Variants in ABR observed in about 807,000 individuals in gnomAD.
ABR encodes the protein ABR activator of RhoGEF and GTPase.
ABR carries 35 observed loss-of-function variants against 107.2 expected under a neutral mutation model. The ratio of observed to expected loss-of-function variants is 0.33; its 90% CI spans 0.25 to 0.43. The LOEUF is 0.43. ABR is among the 20% of genes least tolerant of loss of function. ABR has a pLI of 1.00. For synonymous variants in ABR, 498 were observed against 462.0 expected (o/e 1.08, Z -1.00); for missense variants, 815 against 1,115.2 (o/e 0.73, Z 3.83).
intron 4 of ABR, among the ~76,000 whole-genome samples, chr17:1,090,199 G>A (rs759604410): frequency 6.6e-6 from 1 of 152,216 alleles, no homozygotes; most frequent in Non-Finnish European, 1.5e-5. Context: ...CCTGCCCTGG[G>A]AACTGAGAAC....
intron 1 of ABR, among the ~76,000 whole-genome samples, chr17:1,199,080 T>G (rs989059501): frequency 2.1e-5 from 3 of 144,322 alleles, no homozygotes; most frequent in African/African-American, 7.7e-5. Flanking sequence ...GGTGCCTGGT[T>G]CCAAGGACGA....
intron 1 of ABR, among the ~76,000 whole-genome samples, chr17:1,139,389 C>G (rs879737703): frequency 1.3e-4 from 20 of 152,128 alleles, no homozygotes; most frequent in South Asian, 6.2e-4. Context: ...GTAGCTGGGA[C>G]TACAGGTGCC....
At chr17:1,211,532 C>T (rs954059647) in intron 1 of ABR, among the ~76,000 whole-genome samples, 1 of 152,038 alleles carries the variant, frequency 6.6e-6, no homozygotes, top group Non-Finnish European at 1.5e-5. Flanking sequence ...GATTATTCAC[C>T]GTGATTTTTT....
chr17:1,213,825 C>A (rs950734111), intron 1 of ABR, among the ~76,000 whole-genome samples: 1 of 152,162 alleles, frequency 6.6e-6, no homozygotes, highest in Non-Finnish European at 1.5e-5. Flanking sequence ...GGTTCCAAAG[C>A]GACAAAACTG....
chr17:1,023,044 C>G (rs1471707591), intron 16 of ABR, among the ~76,000 whole-genome samples: 1 of 149,142 alleles, frequency 6.7e-6, no homozygotes, highest in South Asian at 2.1e-4. Context: ...AGAGCCTCTG[C>G]CTGCCCCACG....
At chr17:1,044,883 A>T (rs549898017) in intron 16 of ABR, among the ~76,000 whole-genome samples, 1 of 152,206 alleles carries the variant, frequency 6.6e-6, no homozygotes, top group African/African-American at 2.4e-5. Context: ...AATAACACAG[A>T]GCCTTAGCAT....
chr17:1,152,769 T>C (rs2040851260), intron 1 of ABR, among the ~76,000 whole-genome samples: 1 of 152,016 alleles, frequency 6.6e-6, no homozygotes, highest in Admixed American at 6.6e-5. Flanking sequence ...TTTAGCAAGA[T>C]GATGAGCTTT....
chr17:1,088,719 G>A (rs2036800060), intron 4 of ABR, among the ~76,000 whole-genome samples: 1 of 151,602 alleles, frequency 6.6e-6, no homozygotes. Context: ...CCGAGTAGTA[G>A]CTGGGATCAC....
chr17:1,166,092 G>T (rs1290789149), intron 1 of ABR, among the ~76,000 whole-genome samples: 4 of 139,616 alleles, frequency 2.9e-5, no homozygotes, highest in Admixed American at 7.3e-5. Flanking sequence ...ACCCTCCCCA[G>T]CGTGGTCCCA....
At chr17:1,189,441 C>G (rs928974885), upstream of ABR, among the ~76,000 whole-genome samples, 2 of 151,556 alleles carry the variant, frequency 1.3e-5, no homozygotes, top group African/African-American at 2.4e-5. Flanking sequence ...CCTCCGCCTC[C>G]GAGTTCAAGT....
At chr17:1,201,471 C>T (rs966966355) in intron 1 of ABR, among the ~76,000 whole-genome samples, 3 of 152,098 alleles carry the variant, frequency 2.0e-5, no homozygotes, top group Middle Eastern at 3.4e-3. Context: ...TTTATGTGAG[C>T]GTGTATAACA....
chr17:1,225,992 G>A (rs1349747890), intron 1 of ABR, among the ~76,000 whole-genome samples: 3 of 152,096 alleles, frequency 2.0e-5, no homozygotes, highest in African/African-American at 7.2e-5. Context: ...ACACATACGC[G>A]TCCGCATAGA....
Position 1,144,582 on chromosome 17 carries a change from A to G in ABR, c.62-19215T>C, listed in dbSNP as rs7212586. Among the ~76,000 whole-genome samples the G allele has an allele frequency of 7.1e-3, 975 of 136,454 alleles. 8 individuals carry two copies. The highest frequency in any genetic ancestry group is 0.026 in the African/African-American group (933 of 36,432). The allele number at this position is 136,454 out of a possible 152,430, so 89.5% of individuals were successfully genotyped here. Reference sequence around the variant, plus strand: ...TCACAAACAATAACGCGTTCAGTCAATCAGGCAAAAAAAAAAAAAGGGGCA... The same window carrying G: ...TCACAAACAATAACGCGTTCAGTCAGTCAGGCAAAAAAAAAAAAAGGGGCA... On this transcript the variant is annotated intron_variant, in intron 1 of 22. Coordinates refer to ENST00000302538, the MANE Select transcript of ABR (RefSeq NM_021962.5).
chr17:1,190,390 T>C (rs1312095540), upstream of ABR, among the ~76,000 whole-genome samples: 2 of 152,146 alleles, frequency 1.3e-5, no homozygotes, highest in Non-Finnish European at 2.9e-5. Context: ...TCCCAGCACT[T>C]TGGGAGGCCG....
chr17:1,122,095 G>A (rs2039382967), intron 2 of ABR, among the ~76,000 whole-genome samples: 2 of 152,094 alleles, frequency 1.3e-5, no homozygotes, highest in South Asian at 4.1e-4. Flanking sequence ...TAGAGACAGG[G>A]TTTCACCATG....
chr17:1,015,864 G>A (rs1425521234), intron 16 of ABR, among the ~76,000 whole-genome samples: 2 of 152,114 alleles, frequency 1.3e-5, no homozygotes, highest in African/African-American at 2.4e-5. Context: ...GTATCTATAG[G>A]GTATTATTTT....
chr17:1,177,596 A>G (rs967618161), intron 1 of ABR, among the ~76,000 whole-genome samples: 3 of 152,140 alleles, frequency 2.0e-5, no homozygotes, highest in African/African-American at 7.2e-5. Context: ...AGGGTGGGGT[A>G]TGGAAGACTT....
At chr17:1,114,163 C>A (rs2038870627) in intron 2 of ABR, among the ~76,000 whole-genome samples, 2 of 104,970 alleles carry the variant, frequency 1.9e-5, no homozygotes. Context: ...GAGAAAGACC[C>A]TGTCTCAAAA....
rs774603602 is a variant in ABR at position 1,078,736 on chromosome 17, G to A, written c.700+594C>T. On this transcript the variant is annotated intron_variant, in intron 6 of 22. Coordinates refer to ENST00000302538, the MANE Select transcript of ABR (RefSeq NM_021962.5). The surrounding 1 kb of genome is among the most constrained non-coding windows in gnomAD (Gnocchi z 7.5). ...TTCCCTGCGGCCCTCTAACCTCCCC[G>A]GCCACATCTAAGCCCACTCCAGCCG... 36 of 1,449,804 alleles carry A rather than the reference G, an allele frequency of 2.5e-5. No homozygotes were observed. Among genetic ancestry groups the A allele is most frequent in the Middle Eastern group, 1.7e-4 (1 of 5,784 alleles). The allele number at this position is 1,449,804 out of a possible 1,614,324, so 89.8% of individuals were successfully genotyped here. A position where few individuals can be genotyped will look rare whatever the true frequency, so the allele number is the denominator to read the frequency against.
Sources: gnomAD v4.1 joint callset for allele counts (sites outside exome capture counted in the v4.1 genomes callset) on GRCh38, gnomAD v4.1.1 for gene constraint, Gnocchi (gnomAD v3.1) non-coding constraint, MANE v1.5 for transcripts, NCBI Gene and HGNC (gene_info 2026-07-23, HGNC 2026-07-21) for gene names.